Variants in ADGRV1 observed in about 807,000 individuals in gnomAD.
The protein encoded by ADGRV1 is adhesion G protein-coupled receptor V1.
In ADGRV1, 359 loss-of-function variants were observed where a neutral mutation model predicts 596.2. The observed-to-expected ratio is 0.60, with a 90% confidence interval of 0.55 to 0.66. The LOEUF is 0.66. Ranked by LOEUF, ADGRV1 falls within the 30% of genes least tolerant of loss-of-function variation. The pLI is 0.00. For synonymous variants in ADGRV1, 2,681 were observed against 2,679.2 expected (o/e 1.00, Z -0.02); for missense variants, 7,274 against 7,575.6 (o/e 0.96, Z 1.48).
intron 78 of ADGRV1, among the ~76,000 whole-genome samples, chr5:90,845,224 A>G (rs2150374047): frequency 6.6e-6 from 1 of 152,278 alleles, no homozygotes; most frequent in Non-Finnish European, 1.5e-5. Context: ...GCAAACAAAA[A>G]GAACAAGTTA....
In ADGRV1 at chr5:90,807,729, T is replaced by C. The variant is rs763744923; in HGVS notation, c.14964T>C (p.Ala4988=). Reference sequence around the variant, plus strand: ...TGCAGAGCAGTGCTCCTGGCGGAGCTCAACTCCGGTAAGACCAACCTCATT... The same window carrying C: ...TGCAGAGCAGTGCTCCTGGCGGAGCCCAACTCCGGTAAGACCAACCTCATT... ...SGVQSSAPGG[A]QLRSGFIVAE... Residue 4988 remains alanine, a synonymous_variant, in exon 73 of 90, where the codon GCT becomes GCC. Transcript: ENST00000405460. 4.5e-6 allele frequency: 7 copies of C among 1,554,144 alleles called. No individual in the cohort carries two copies. The highest frequency in any genetic ancestry group is 6.1e-6 in the Non-Finnish European group (7 of 1,143,308).
At chr5:91,026,770 C>A (rs997989713) in intron 85 of ADGRV1, among the ~76,000 whole-genome samples, 1 of 152,028 alleles carries the variant, frequency 6.6e-6, no homozygotes, top group Non-Finnish European at 1.5e-5. Context: ...TTAATGTCTT[C>A]GTAAAGATAA....
At chr5:90,836,196 G>A (rs985580355) in intron 77 of ADGRV1, among the ~76,000 whole-genome samples, 3 of 152,168 alleles carry the variant, frequency 2.0e-5, no homozygotes, top group Non-Finnish European at 4.4e-5. Context: ...AATTAAACAT[G>A]AACTACCTTA....
At chr5:90,897,429 G>A (rs1382765532) in intron 83 of ADGRV1, among the ~76,000 whole-genome samples, 1 of 152,120 alleles carries the variant, frequency 6.6e-6, no homozygotes, top group Non-Finnish European at 1.5e-5. Flanking sequence ...GAAGAGTAAT[G>A]TGTGGATGTA....
At chr5:91,132,220 A>T (rs969137539) in intron 87 of ADGRV1, among the ~76,000 whole-genome samples, 1 of 152,194 alleles carries the variant, frequency 6.6e-6, no homozygotes, top group Admixed American at 6.5e-5. Context: ...TTTTTTCTGT[A>T]TAGAACAAAT....
intron 86 of ADGRV1, among the ~76,000 whole-genome samples, chr5:91,097,779 A>G (rs1258607091): frequency 6.6e-6 from 1 of 152,200 alleles, no homozygotes; most frequent in Non-Finnish European, 1.5e-5. Context: ...AGTGGGTATG[A>G]AATGGTATCA....
intron 83 of ADGRV1, among the ~76,000 whole-genome samples, chr5:90,958,597 G>T (rs2150939434): frequency 6.6e-6 from 1 of 152,158 alleles, no homozygotes; most frequent in South Asian, 2.1e-4. Flanking sequence ...GTGTCTTCAG[G>T]GTTGACTTCA....
rs4916683 is a variant in ADGRV1, at chr5:90,683,563, T to C, written c.5665-23T>C. ...TGGCTTTAATCTCTCTTTTAATAGA[T>C]TTTAATATTAAGTATTTTGTAGGTT... is the stretch of plus-strand genomic sequence containing the variant. On this transcript the variant is annotated intron_variant, in intron 27 of 89. Transcript: ENST00000405460. 523,084 of 1,521,362 alleles carry C rather than the reference T, an allele frequency of 0.34. 92,868 individuals are homozygous for C. Among genetic ancestry groups the C allele is most frequent in the Admixed American group, 0.54 (27,905 of 51,366 alleles). 94.2% of individuals were successfully genotyped at this position (1,521,362 alleles called of 1,614,324 possible). A position where few individuals can be genotyped will look rare whatever the true frequency, so the allele number is the denominator to read the frequency against.
chr5:91,150,110 G>A lies in ADGRV1; in HGVS notation c.18513G>A (p.Met6171Ile), dbSNP rs1795917925. 1 of 1,576,626 alleles carries A rather than the reference G, an allele frequency of 6.3e-7. No individual in the cohort carries two copies. ...TGAAGGCCAGTTACACTGTGGAAAT[G>A]AATGGGCATCCTGGACCCAGCACAG... ...CPMKASYTVE[M>I]NGHPGPSTAF... is the part of the protein sequence containing the mutation. Residue 6171 changes from methionine to isoleucine, a missense_variant, in exon 88 of 90, where the codon ATG becomes ATA. Met to Ile is a conservative substitution (Grantham distance 10). Transcript: ENST00000405460.
At chr5:91,008,760 G>T (rs7711918) in intron 85 of ADGRV1, among the ~76,000 whole-genome samples, 68,525 of 151,852 alleles carry the variant, frequency 0.45, 15,734 homozygotes, top group Middle Eastern at 0.49. Flanking sequence ...CTCGGTCACT[G>T]AAAGTGCTGG....
chr5:90,929,822 G>T (rs573323259), intron 83 of ADGRV1, among the ~76,000 whole-genome samples: 25 of 152,270 alleles, frequency 1.6e-4, no homozygotes, highest in African/African-American at 5.1e-4. Context: ...CCTTTAAGTT[G>T]TTGACTAATA....
rs11423089 is a variant in ADGRV1, at chr5:91,130,522, CAAAAAAAAAA to C, written c.18433-19496_18433-19487del. Among the ~76,000 whole-genome samples, 3 of 73,350 alleles carry C rather than the reference CAAAAAAAAAA, an allele frequency of 4.1e-5. No homozygotes were observed. In the South Asian group the frequency reaches 1.9e-3, roughly 46 times the overall value. The allele number at this position is 73,350 out of a possible 152,430, so 48.1% of individuals were successfully genotyped here. ...GGGTGACAAGAGTGAAACTCCATCT[CAAAAAAAAAA>C]AAAAAAAAAAAGTCTTGATGTCTTG... is the stretch of plus-strand genomic sequence containing the variant. On this transcript the variant is annotated intron_variant, in intron 87 of 89. Transcript: ENST00000405460.
At chr5:90,596,849 G>A (rs1018619482) in intron 1 of ADGRV1, among the ~76,000 whole-genome samples, 19 of 152,052 alleles carry the variant, frequency 1.2e-4, no homozygotes, top group African/African-American at 4.6e-4. Flanking sequence ...GAGGGAGAGC[G>A]AGAGGGAGAG....
chr5:90,708,302 T>A (rs918731021), intron 38 of ADGRV1, among the ~76,000 whole-genome samples: 2 of 152,224 alleles, frequency 1.3e-5, no homozygotes, highest in Admixed American at 1.3e-4. Flanking sequence ...TGATTTGTGA[T>A]CATTATTACA....
chr5:90,848,860 AT>A (rs759608382), intron 79 of ADGRV1, 39 bp downstream of exon 79: 25 of 1,425,244 alleles, frequency 1.8e-5, no homozygotes, highest in South Asian at 1.6e-4. Flanking sequence ...CCTTTTATGC[AT>A]TTTTTTCACT....
intron 85 of ADGRV1, among the ~76,000 whole-genome samples, chr5:91,041,333 G>A (rs1043123922): frequency 2.6e-5 from 4 of 152,122 alleles, no homozygotes; most frequent in African/African-American, 9.7e-5. Context: ...CATGTCCTTT[G>A]CAGGGACATG....
At chr5:90,778,212 G>T (rs1170095607) in intron 62 of ADGRV1, among the ~76,000 whole-genome samples, 169 bp downstream of exon 62, 1 of 151,846 alleles carries the variant, frequency 6.6e-6, no homozygotes, top group Admixed American at 6.6e-5. Flanking sequence ...ACGTGTGTGT[G>T]TGTGTGTGGT....
intron 87 of ADGRV1, among the ~76,000 whole-genome samples, chr5:91,104,764 G>C (rs1232288443): frequency 1.3e-5 from 2 of 151,736 alleles, no homozygotes; most frequent in Non-Finnish European, 2.9e-5. Flanking sequence ...ATAATATTGG[G>C]TTGATGCAAA....
chr5:90,923,797 C>T (rs568668268), intron 83 of ADGRV1, among the ~76,000 whole-genome samples: 2 of 150,464 alleles, frequency 1.3e-5, no homozygotes, highest in East Asian at 3.9e-4. Context: ...CACCCCACCA[C>T]AGTCCCCAGA....
Sources: gnomAD v4.1 joint callset for allele counts (sites outside exome capture counted in the v4.1 genomes callset) on GRCh38, gnomAD v4.1.1 for gene constraint, MANE v1.5 for transcripts, NCBI Gene and HGNC (gene_info 2026-07-23, HGNC 2026-07-21) for gene names.